LRRFIP1: variants seen among roughly 807,000 people sequenced by gnomAD.
LRRFIP1 encodes the protein leucine-rich repeat flightless-interacting protein 1.
A neutral mutation model predicts 104.4 loss-of-function variants in LRRFIP1; 62 were observed. The observed-to-expected ratio is 0.59, with a 90% CI of 0.48 to 0.73. The LOEUF is 0.73. Among genes scored for constraint, LRRFIP1 ranks in the 30% least tolerant of loss-of-function variants. LRRFIP1 has a pLI of 0.00. For synonymous variants in LRRFIP1, 300 were observed against 299.0 expected (o/e 1.00, Z -0.03); for missense variants, 796 against 824.5 (o/e 0.97, Z 0.42).
intron 3 of LRRFIP1, among the ~76,000 whole-genome samples, chr2:237,715,646 T>C (rs2094300405): frequency 1.3e-5 from 2 of 152,218 alleles, no homozygotes; most frequent in South Asian, 4.1e-4. Context: ...CTTTCCTCAT[T>C]GCTGAGATGT....
chr2:237,727,393 C>G (rs2094802670), intron 7 of LRRFIP1, among the ~76,000 whole-genome samples: 1 of 151,256 alleles, frequency 6.6e-6, no homozygotes, highest in Non-Finnish European at 1.5e-5. Context: ...TCTGAATCTT[C>G]TGAATTATGG....
At chr2:237,645,624 T>G (rs1477164456) in intron 1 of LRRFIP1, among the ~76,000 whole-genome samples, 1 of 147,572 alleles carries the variant, frequency 6.8e-6, no homozygotes, top group Non-Finnish European at 1.5e-5. Context: ...TGTCTTCTTT[T>G]GGGAGGTGTG....
At position 237,754,291 on chromosome 2, in the gene LRRFIP1, A is replaced by G. The variant is rs571315482; in HGVS notation, c.1038+812A>G. Among the ~76,000 whole-genome samples the G allele has an allele frequency of 2.6e-5, 4 of 152,328 alleles. No homozygotes were observed. The South Asian group carries it at 6.2e-4, about 24-fold the overall frequency. ...CAGTTACTCTACTTAAGAATTAAAT[A>G]TATCACCAAGCTCAGAGAGAGAGAT... On this transcript the variant is annotated intron_variant, in intron 15 of 23. Coordinates refer to ENST00000308482, the MANE Select transcript of LRRFIP1 (RefSeq NM_001137550.2).
intron 7 of LRRFIP1, among the ~76,000 whole-genome samples, chr2:237,724,199 T>C (rs757916110): frequency 2.0e-5 from 3 of 152,208 alleles, no homozygotes; most frequent in Non-Finnish European, 4.4e-5. Flanking sequence ...TCTGTCAGTG[T>C]TATACTTCAA....
intron 1 of LRRFIP1, among the ~76,000 whole-genome samples, chr2:237,645,883 C>A (rs1195561120): frequency 6.7e-6 from 1 of 148,250 alleles, no homozygotes; most frequent in Non-Finnish European, 1.5e-5. Context: ...CTTTACAAAG[C>A]CCTGTCCACT....
At chr2:237,776,617 G>A (rs2061116897) in intron 23 of LRRFIP1, among the ~76,000 whole-genome samples, 2 of 152,048 alleles carry the variant, frequency 1.3e-5, no homozygotes, top group East Asian at 3.8e-4. Flanking sequence ...TTAAAATTCT[G>A]ATATCTTCTT....
chr2:237,629,802 A>G (rs201450243), intron 1 of LRRFIP1, among the ~76,000 whole-genome samples: 2 of 152,146 alleles, frequency 1.3e-5, no homozygotes, highest in East Asian at 3.8e-4. Context: ...ATAGATTGAA[A>G]AGGAAGGCAA....
Position 237,739,229 on chromosome 2 carries a change from C to T in LRRFIP1, c.556-3C>T, listed in dbSNP as rs1427123176. The T allele has an allele frequency of 5.1e-6, 8 of 1,556,920 alleles. No individual in the cohort carries two copies. The African/African-American group carries it at 1.1e-4, about 21-fold the overall frequency. On this transcript the variant is annotated splice_polypyrimidine_tract_variant and splice_region_variant and intron_variant, in intron 10 of 23. Transcript: ENST00000308482. ...CGTGTCCTGGCGGTGGCTGTGTGGG[C>T]AGCCCTCGGAGTACAGCGGCCACCT... is the stretch of plus-strand genomic sequence containing the variant.
chr2:237,752,890 C>G (rs1195229054), intron 14 of LRRFIP1, among the ~76,000 whole-genome samples: 2 of 152,206 alleles, frequency 1.3e-5, no homozygotes, highest in African/African-American at 4.8e-5. Context: ...TCAGCCATCA[C>G]ACACTGGCTC....
At chr2:237,777,849 T>A (rs76257991) in intron 23 of LRRFIP1, among the ~76,000 whole-genome samples, 6,792 of 152,312 alleles carry the variant, frequency 0.045, 176 homozygotes, top group Middle Eastern at 0.13. Flanking sequence ...TGTCTCCACA[T>A]TTTTTAACCA....
chr2:237,644,190 C>T (rs892808585), intron 1 of LRRFIP1, among the ~76,000 whole-genome samples: 3 of 152,204 alleles, frequency 2.0e-5, no homozygotes, highest in Admixed American at 6.5e-5. Flanking sequence ...TGTGCACGAT[C>T]GGGTTGCATT....
chr2:237,652,079 G>A (rs1015427584), intron 1 of LRRFIP1, among the ~76,000 whole-genome samples: 2 of 152,242 alleles, frequency 1.3e-5, no homozygotes, highest in African/African-American at 2.4e-5. Flanking sequence ...GTAGGTGCAG[G>A]TGGTGACGGC....
intron 1 of LRRFIP1, among the ~76,000 whole-genome samples, chr2:237,662,853 G>C (rs947496151): frequency 1.3e-5 from 2 of 152,092 alleles, no homozygotes; most frequent in Non-Finnish European, 1.5e-5. Flanking sequence ...GCCCACCAGC[G>C]CTATGTCAAT....
At chr2:237,686,926 G>T (rs991412624) in intron 1 of LRRFIP1, among the ~76,000 whole-genome samples, 5 of 152,188 alleles carry the variant, frequency 3.3e-5, no homozygotes, top group African/African-American at 1.2e-4. Flanking sequence ...CATTGACCTG[G>T]GTGTGTGCCC....
intron 1 of LRRFIP1, among the ~76,000 whole-genome samples, chr2:237,636,707 A>G (rs537598091): frequency 3.9e-5 from 6 of 152,218 alleles, no homozygotes; most frequent in African/African-American, 1.4e-4. Flanking sequence ...GGCACTAAAC[A>G]TGGTGACTAC....
chr2:237,739,157 C>T lies in LRRFIP1; in HGVS notation c.556-75C>T, dbSNP rs1017131107. On this transcript the variant is annotated intron_variant, in intron 10 of 23. Transcript: ENST00000308482. Reference sequence around the variant, plus strand: ...ACTGCAGCATGTTTTCTGTCGGCCTCTATTCTCCTTGCTCCTTTGCTGACC... The same window carrying T: ...ACTGCAGCATGTTTTCTGTCGGCCTTTATTCTCCTTGCTCCTTTGCTGACC... 11 of 1,345,426 alleles carry T rather than the reference C, an allele frequency of 8.2e-6. No homozygotes were observed. In the African/African-American group the frequency reaches 1.0e-4, roughly 12 times the overall value. 83.3% of individuals were successfully genotyped at this position (1,345,426 alleles called of 1,614,324 possible). A position where few individuals can be genotyped will look rare whatever the true frequency, so the allele number is the denominator to read the frequency against.
rs1170742860 is a variant in LRRFIP1, at chr2:237,655,102, C to CTTTTT, written c.96+27384_96+27388dup. Among the ~76,000 whole-genome samples, 25 of 58,276 alleles carry CTTTTT rather than the reference C, an allele frequency of 4.3e-4. 5 individuals are homozygous for CTTTTT. Among genetic ancestry groups the CTTTTT allele is most frequent in the African/African-American group, 1.7e-3 (22 of 12,782 alleles). 38.2% of individuals were successfully genotyped at this position (58,276 alleles called of 152,430 possible). A position where few individuals can be genotyped will look rare whatever the true frequency, so the allele number is the denominator to read the frequency against. Reference sequence around the variant, plus strand: ...AGACGAATACCACGTGATCTCACTTCTTTTTTTTTTTTTTTTTTTTTTTTT... The same window carrying CTTTTT: ...AGACGAATACCACGTGATCTCACTTCTTTTTTTTTTTTTTTTTTTTTTTTTTTTTT... On this transcript the variant is annotated intron_variant, in intron 1 of 23. Transcript: ENST00000308482.
At position 237,711,936 on chromosome 2, in the gene LRRFIP1, T is replaced by C. The variant is rs2094116378; in HGVS notation, c.184-2323T>C. Among the ~76,000 whole-genome samples the C allele has an allele frequency of 6.6e-6, 1 of 152,218 alleles. No individual in the cohort carries two copies. ...CCTAACGGCGGCAACGGTGCCTTCATGAATTTCGGGTCTTTGCAAGGCGGC... is the reference window on the plus strand; with the variant it reads ...CCTAACGGCGGCAACGGTGCCTTCACGAATTTCGGGTCTTTGCAAGGCGGC... On this transcript the variant is annotated intron_variant, in intron 2 of 23. Coordinates refer to ENST00000308482, the MANE Select transcript of LRRFIP1 (RefSeq NM_001137550.2). The surrounding 1 kb of genome is among the most constrained non-coding windows in gnomAD (Gnocchi z 4.4).
intron 1 of LRRFIP1, among the ~76,000 whole-genome samples, chr2:237,693,596 C>T (rs1174176420): frequency 6.6e-6 from 1 of 152,150 alleles, no homozygotes; most frequent in African/African-American, 2.4e-5. Context: ...TCCTAGGGGC[C>T]TGGGAAGAGA....
Sources: allele counts gnomAD v4.1 joint callset (sites outside exome capture counted in the v4.1 genomes callset), GRCh38; gene constraint gnomAD v4.1.1; non-coding constraint Gnocchi (gnomAD v3.1); transcripts MANE v1.5; gene names NCBI Gene and HGNC (gene_info 2026-07-23, HGNC 2026-07-21).